The following TANGO6 variants were observed in gnomAD, a reference collection of about 807,000 sequenced individuals.
The protein encoded by TANGO6 is transport and Golgi organization protein 6 homolog.
TANGO6 carries 90 observed loss-of-function variants against 114.2 expected under a neutral mutation model. That is an observed-to-expected ratio of 0.79 (90% CI 0.66 to 0.94). TANGO6 has a LOEUF of 0.94. TANGO6 is among the 40% of genes least tolerant of loss of function. The probability of loss-of-function intolerance (pLI) is 0.00; values close to 1 mark genes in which losing one functional copy is unlikely to be tolerated. For synonymous variants in TANGO6, 477 were observed against 509.8 expected, an observed-to-expected ratio of 0.94 and a Z score of 0.87; for missense variants, 1,274 against 1,315.3, an observed-to-expected ratio of 0.97 and a Z score of 0.49.
rs889425988 is a variant in TANGO6, at chr16:69,022,911, A to G, written c.2926A>G (p.Ser976Gly). 5 of 1,602,484 alleles carry G rather than the reference A, an allele frequency of 3.1e-6. No individual in the cohort carries two copies. Among genetic ancestry groups the G allele is most frequent in the Non-Finnish European group, 4.3e-6 (5 of 1,174,522 alleles). The change falls in exon 16 of 18, where the codon AGC (serine) becomes GGC (glycine). Residue 976 changes from serine to glycine, a missense_variant. Ser to Gly is a moderately conservative substitution (Grantham distance 56). Transcript: ENST00000261778. ...VRDPDGAHRA[S>G]SLANLGELCQ... ...AGATCCTGATGGTGCTCACAGGGCC[A>G]GCAGCTTGGCCAACCTTGGGGAGCT...
chr16:68,878,468 A>G (rs929216179), intron 6 of TANGO6, among the ~76,000 whole-genome samples, 188 bp downstream of exon 6: 2 of 152,152 alleles, frequency 1.3e-5, no homozygotes, highest in Non-Finnish European at 2.9e-5. Flanking sequence ...TATACAGATC[A>G]CCTAGACCGA....
intron 15 of TANGO6, among the ~76,000 whole-genome samples, chr16:68,982,362 G>A (rs996863861): frequency 6.6e-6 from 1 of 151,880 alleles, no homozygotes; most frequent in Non-Finnish European, 1.5e-5. Context: ...TTTAGACAGA[G>A]TCTCACTTTG....
At chr16:68,989,476 CT>C (rs1383301478) in intron 15 of TANGO6, among the ~76,000 whole-genome samples, 1 of 151,942 alleles carries the variant, frequency 6.6e-6, no homozygotes, top group Non-Finnish European at 1.5e-5. Flanking sequence ...GTCCCTTTCT[CT>C]TTTTTTGTTG....
chr16:68,936,426 G>A (rs1044325913), intron 14 of TANGO6, among the ~76,000 whole-genome samples: 4 of 151,890 alleles, frequency 2.6e-5, no homozygotes, highest in African/African-American at 9.7e-5. Context: ...TCCACCTCCC[G>A]GGTTCAAGCA....
intron 15 of TANGO6, 87 bp downstream of exon 15, chr16:68,974,255 A>G: frequency 6.6e-7 from 1 of 1,516,922 alleles, no homozygotes; most frequent in Non-Finnish European, 9.1e-7. Context: ...GGGGCTTGTT[A>G]CACTAGTGTG....
chr16:68,911,455 G>A (rs193102790), intron 11 of TANGO6, among the ~76,000 whole-genome samples: 35 of 139,250 alleles, frequency 2.5e-4, no homozygotes, highest in African/African-American at 9.1e-4. Context: ...TGACTCTGTC[G>A]GCCCAGGCTG....
At chr16:68,936,388 A>G (rs1485487353) in intron 14 of TANGO6, among the ~76,000 whole-genome samples, 1 of 151,846 alleles carries the variant, frequency 6.6e-6, no homozygotes, top group Non-Finnish European at 1.5e-5. Context: ...CCCAGGCTGG[A>G]GTGCAATGGG....
At chr16:68,869,923 C>T (rs930867476) in intron 4 of TANGO6, among the ~76,000 whole-genome samples, 5 of 152,178 alleles carry the variant, frequency 3.3e-5, no homozygotes, top group South Asian at 2.1e-4. Flanking sequence ...TAGAGTGGTG[C>T]GCAGTGAGTG....
chr16:68,912,043 C>T (rs1962928679), intron 11 of TANGO6, among the ~76,000 whole-genome samples: 3 of 152,154 alleles, frequency 2.0e-5, no homozygotes, highest in Non-Finnish European at 2.9e-5. Context: ...ATTGCCAGGG[C>T]ATCAACTCAT....
chr16:68,849,265 C>T (rs989726450), intron 1 of TANGO6, among the ~76,000 whole-genome samples: 3 of 152,150 alleles, frequency 2.0e-5, no homozygotes, highest in East Asian at 1.9e-4. Flanking sequence ...GCCCCTGAGG[C>T]GGAGGTGGCA....
At chr16:68,930,347 C>T (rs1043908026) in intron 14 of TANGO6, 52 bp downstream of exon 14, 5 of 1,463,408 alleles carry the variant, frequency 3.4e-6, no homozygotes, top group Non-Finnish European at 4.7e-6. Flanking sequence ...GAGACTGTAT[C>T]ATGTTTATTT....
intron 3 of TANGO6, among the ~76,000 whole-genome samples, chr16:68,866,582 C>T (rs1206832423): frequency 1.3e-5 from 2 of 149,442 alleles, no homozygotes; most frequent in South Asian, 2.1e-4. Flanking sequence ...GAGATTGCGC[C>T]ACTGCAGTCC....
intron 15 of TANGO6, among the ~76,000 whole-genome samples, chr16:69,001,489 T>C (rs1269823108): frequency 6.6e-6 from 1 of 152,168 alleles, no homozygotes; most frequent in East Asian, 1.9e-4. Flanking sequence ...TACAGCTCTT[T>C]TATATAAACA....
intron 5 of TANGO6, among the ~76,000 whole-genome samples, chr16:68,876,247 C>T (rs1251503427): frequency 1.3e-5 from 2 of 151,974 alleles, no homozygotes; most frequent in African/African-American, 4.8e-5. Context: ...CCACAACCTC[C>T]ACCTCCCGGG....
chr16:68,927,447 T>G (rs1242337693), intron 12 of TANGO6, 121 bp from the exon 13 acceptor site: 7 of 1,061,494 alleles, frequency 6.6e-6, no homozygotes, highest in African/African-American at 1.6e-5. Context: ...AATACACTGA[T>G]TACACCATGA....
At chr16:68,889,565 A>G (rs1239591231) in intron 7 of TANGO6, among the ~76,000 whole-genome samples, 1 of 152,214 alleles carries the variant, frequency 6.6e-6, no homozygotes, top group East Asian at 1.9e-4. Context: ...TGCACTGGCA[A>G]TAATTCTTTC....
At chr16:68,859,522 C>A (rs903276947) in intron 1 of TANGO6, among the ~76,000 whole-genome samples, 2 of 152,218 alleles carry the variant, frequency 1.3e-5, no homozygotes, top group Non-Finnish European at 2.9e-5. Context: ...AACAGCTGGA[C>A]TGAGTGCATG....
chr16:68,865,055 A>G (rs978479414), intron 3 of TANGO6, among the ~76,000 whole-genome samples: 3 of 151,534 alleles, frequency 2.0e-5, no homozygotes, highest in African/African-American at 7.3e-5. Context: ...AGGCGGGTGG[A>G]TCACGAGGTC....
At chr16:68,979,491 A>G (rs1216866537) in intron 15 of TANGO6, among the ~76,000 whole-genome samples, 1 of 152,004 alleles carries the variant, frequency 6.6e-6, no homozygotes, top group Non-Finnish European at 1.5e-5. Context: ...CAGCCTCCCA[A>G]AGTGCTGGGA....
Sources: gnomAD v4.1 joint callset for allele counts (sites outside exome capture counted in the v4.1 genomes callset) on GRCh38, gnomAD v4.1.1 for gene constraint, MANE v1.5 for transcripts, NCBI Gene and HGNC (gene_info 2026-07-23, HGNC 2026-07-21) for gene names.